The following HPSE2 variants were observed in gnomAD, a reference collection of about 807,000 sequenced individuals.
HPSE2 encodes the protein heparanase 2 (inactive).
In HPSE2, 38 loss-of-function variants were observed where a neutral mutation model predicts 60.5. The observed-to-expected ratio is 0.63, with a 90% CI of 0.48 to 0.82. The LOEUF is 0.82. HPSE2 is among the 40% of genes least tolerant of loss of function. HPSE2 has a pLI of 0.00. For missense variants in HPSE2, 713 were observed against 740.4 expected, an observed-to-expected ratio of 0.96 and a Z score of 0.43; for synonymous variants, 295 against 293.2, an observed-to-expected ratio of 1.01 and a Z score of -0.06.
chr10:98,952,312 GTT>G (rs1271112783), intron 3 of HPSE2, among the ~76,000 whole-genome samples: 2,315 of 102,500 alleles, frequency 0.023, 14 homozygotes, highest in South Asian at 0.068. Flanking sequence ...AAAAGAATTT[GTT>G]TGTGTGTGTG....
chr10:98,705,914 T>G (rs1418842961), intron 5 of HPSE2, among the ~76,000 whole-genome samples: 1 of 152,186 alleles, frequency 6.6e-6, no homozygotes, highest in Non-Finnish European at 1.5e-5. Flanking sequence ...TCCTGGAACT[T>G]AAAGTAAAAT....
Position 98,775,068 on chromosome 10 carries a change from T to G in HPSE2, c.611-31012A>C, listed in dbSNP as rs140737652. ...CTGAGTCCTGGCTCTTTTCTCCATA[T>G]GCTGAGAGATACAGGCAGAAACACA... On this transcript the variant is annotated intron_variant, in intron 3 of 11. Coordinates refer to ENST00000370552, the MANE Select transcript of HPSE2 (RefSeq NM_021828.5). Among the ~76,000 whole-genome samples the G allele has an allele frequency of 3.0e-4, 46 of 152,346 alleles. 1 individual carries two copies. Among genetic ancestry groups the G allele is most frequent in the African/African-American group, 1.1e-3 (44 of 41,588 alleles).
intron 10 of HPSE2, among the ~76,000 whole-genome samples, chr10:98,483,266 C>T (rs560217717): frequency 1.3e-5 from 2 of 152,242 alleles, no homozygotes; most frequent in Non-Finnish European, 2.9e-5. Flanking sequence ...ACTGGAATCA[C>T]ATTATTCACA....
intron 3 of HPSE2, among the ~76,000 whole-genome samples, chr10:98,762,790 GA>G (rs1439366277): frequency 1.3e-5 from 2 of 151,968 alleles, no homozygotes; most frequent in Admixed American, 1.3e-4. Context: ...TAAGCCACAT[GA>G]AAAAAATAAT....
At chr10:98,778,224 A>G (rs1245348745) in intron 3 of HPSE2, among the ~76,000 whole-genome samples, 1 of 142,262 alleles carries the variant, frequency 7.0e-6, no homozygotes, top group Non-Finnish European at 1.5e-5. Flanking sequence ...GAGGACCAAC[A>G]AGAAATCTGG....
the HPSE2 span, among the ~76,000 whole-genome samples, chr10:99,260,490 CT>C: frequency 6.6e-6 from 1 of 152,210 alleles, no homozygotes; most frequent in South Asian, 2.1e-4. Flanking sequence ...TCTTTTCACT[CT>C]TCTCCAGCCT....
Position 98,461,202 on chromosome 10 carries a change from A to G in HPSE2, c.1614-1463T>C, listed in dbSNP as rs116494132. Among the ~76,000 whole-genome samples the G allele has an allele frequency of 3.9e-3, 597 of 152,332 alleles. 3 individuals carry two copies. Among genetic ancestry groups the G allele is most frequent in the African/African-American group, 0.013 (549 of 41,564 alleles). On this transcript the variant is annotated intron_variant, in intron 11 of 11. Coordinates refer to ENST00000370552, the MANE Select transcript of HPSE2 (RefSeq NM_021828.5). ...AATAGAGCAGTGAATTCCCAGAGAT[A>G]AGTGTGTTGTAAATTGCTCCCAATG...
chr10:99,128,191 G>T (rs1433965882), intron 3 of HPSE2, among the ~76,000 whole-genome samples: 1 of 152,106 alleles, frequency 6.6e-6, no homozygotes, highest in African/African-American at 2.4e-5. Context: ...CCACTTAAAA[G>T]ATATAGAATG....
upstream of HPSE2, chr10:99,236,000 T>G (rs1401868957): frequency 1.3e-5 from 3 of 224,824 alleles, no homozygotes; most frequent in Admixed American, 2.1e-4. Flanking sequence ...TGTTTTTTTC[T>G]TTTTTTTTTT....
At chr10:99,035,896 C>T (rs1237492371) in intron 3 of HPSE2, among the ~76,000 whole-genome samples, 4 of 152,230 alleles carry the variant, frequency 2.6e-5, no homozygotes, top group Non-Finnish European at 4.4e-5. Context: ...GCACATTTAA[C>T]ATCCAGATAG....
At chr10:98,871,173 T>C (rs558610523) in intron 3 of HPSE2, among the ~76,000 whole-genome samples, 8 of 152,188 alleles carry the variant, frequency 5.3e-5, no homozygotes, top group Non-Finnish European at 1.0e-4. Flanking sequence ...GCAATGCAGA[T>C]AGTGGATGAA....
At chr10:99,142,936 T>C (rs1845912577) in intron 3 of HPSE2, among the ~76,000 whole-genome samples, 1 of 151,840 alleles carries the variant, frequency 6.6e-6, no homozygotes, top group Admixed American at 6.6e-5. Context: ...ACTCACTGAA[T>C]TGGAAAATAT....
At chr10:98,727,896 A>G (rs1367451521) in intron 4 of HPSE2, among the ~76,000 whole-genome samples, 1 of 152,194 alleles carries the variant, frequency 6.6e-6, no homozygotes, top group Non-Finnish European at 1.5e-5. Context: ...AGGATGATAT[A>G]TTCAAAATGC....
chr10:99,122,701 G>A (rs1054538774), intron 3 of HPSE2, among the ~76,000 whole-genome samples: 2 of 151,988 alleles, frequency 1.3e-5, no homozygotes, highest in Non-Finnish European at 2.9e-5. Flanking sequence ...TTAAGTGGAA[G>A]ACAATACTGA....
intron 3 of HPSE2, among the ~76,000 whole-genome samples, chr10:99,124,869 G>T (rs569363246): frequency 6.6e-6 from 1 of 152,358 alleles, no homozygotes; most frequent in South Asian, 2.1e-4. Context: ...GCTCCTGCCA[G>T]CTCCATGGAG....
At chr10:99,210,828 A>G (rs1048730047) in intron 2 of HPSE2, among the ~76,000 whole-genome samples, 5 of 152,322 alleles carry the variant, frequency 3.3e-5, no homozygotes, top group Admixed American at 1.3e-4. Context: ...TCAACAGTGA[A>G]AAGTCGAAAG....
chr10:98,633,808 T>G (rs1269719350), intron 7 of HPSE2, among the ~76,000 whole-genome samples: 1 of 152,112 alleles, frequency 6.6e-6, no homozygotes, highest in African/African-American at 2.4e-5. Flanking sequence ...TCTCTTCCCC[T>G]CCATCAAAAC....
In HPSE2 at chr10:99,228,168, T is replaced by C. The variant is rs750812977; in HGVS notation, c.448+4180A>G. 3.3e-5 allele frequency among the ~76,000 whole-genome samples: 5 copies of C among 152,006 alleles called. No individual in the cohort carries two copies. The South Asian group carries it at 6.2e-4, about 19-fold the overall frequency. On this transcript the variant is annotated intron_variant, in intron 2 of 11. Transcript: ENST00000370552. ...GAACAAAGGTACGGGGTTGAGATAATAAAGGTGCTTTAAGAAGACAGTGAA... is the reference window on the plus strand; with the variant it reads ...GAACAAAGGTACGGGGTTGAGATAACAAAGGTGCTTTAAGAAGACAGTGAA...
chr10:98,721,194 T>TA (rs1269126551), intron 5 of HPSE2, among the ~76,000 whole-genome samples: 1 of 151,514 alleles, frequency 6.6e-6, no homozygotes, highest in Non-Finnish European at 1.5e-5. Context: ...TTCTCTAGAA[T>TA]ATCTGCTAAT....
Sources: allele counts gnomAD v4.1 joint callset (sites outside exome capture counted in the v4.1 genomes callset), GRCh38; gene constraint gnomAD v4.1.1; transcripts MANE v1.5; gene names NCBI Gene and HGNC (gene_info 2026-07-23, HGNC 2026-07-21).